The following PER3 variants were observed in gnomAD, a reference collection of about 807,000 sequenced individuals.
PER3 encodes the protein period circadian regulator 3, also known as period circadian protein homolog 3.
PER3 carries 107 observed loss-of-function variants against 127.2 expected under a neutral mutation model. The ratio of observed to expected loss-of-function variants is 0.84; its 90% CI spans 0.72 to 0.99. PER3 has a LOEUF of 0.99. PER3 is among the 50% of genes least tolerant of loss of function. The probability of loss-of-function intolerance (pLI) is 0.00; values close to 1 mark genes in which losing one functional copy is unlikely to be tolerated. For missense variants in PER3, 1,560 were observed against 1,525.8 expected (o/e 1.02, Z -0.37); for synonymous variants, 618 against 585.8 (o/e 1.05, Z -0.79).
intron 3 of PER3, among the ~76,000 whole-genome samples, chr1:7,786,247 T>A (rs80199754): frequency 0.13 from 19,467 of 152,156 alleles, 1,546 homozygotes; most frequent in Admixed American, 0.17. Context: ...AGAGCGAGAC[T>A]CTGTCTCTAA....
rs2859387 is a variant in PER3, at chr1:7,827,188, G to A, written c.2259G>A (p.Pro753=). ...RKGKHKRKKL[P]EPPDSSSSNT... ...GGAAGCACAAGCGGAAGAAGCTGCC[G>A]GAGCCGCCAGACAGCAGCAGCTCGA... The change falls in exon 18 of 22, where the codon CCG becomes CCA. Residue 753 remains proline (P), a synonymous_variant. Transcript: ENST00000377532. 0.39 allele frequency: 624,678 copies of A among 1,610,900 alleles called. 127,151 individuals carry two copies. Among genetic ancestry groups the A allele is most frequent in the East Asian group, 0.76 (34,128 of 44,766 alleles).
intron 16 of PER3, among the ~76,000 whole-genome samples, chr1:7,822,134 A>C (rs1252917009): frequency 6.6e-6 from 1 of 152,166 alleles, no homozygotes; most frequent in African/African-American, 2.4e-5. Flanking sequence ...GGCCAGGCAC[A>C]GTGGCTCATG....
chr1:7,788,429 A>G, intron 5 of PER3, 183 bp downstream of exon 5: 1 of 583,936 alleles, frequency 1.7e-6, no homozygotes, highest in Non-Finnish European at 3.0e-6. Flanking sequence ...CATACTCAAT[A>G]CGTTTGTTTC....
At position 7,789,195 on chromosome 1, in the gene PER3, T is replaced by TA. The variant is rs201130422; in HGVS notation, c.592+959dup. Among the ~76,000 whole-genome samples, 190 of 149,044 alleles carry TA rather than the reference T, an allele frequency of 1.3e-3. 1 individual carries two copies. The highest frequency in any genetic ancestry group is 2.2e-3 in the Non-Finnish European group (147 of 67,186). The stretch of plus-strand genomic sequence containing the variant: ...TTGATTCCAAGCCCTTCTCTCTAAT[T>TA]AAAAAAAAAATTCATTGTAGTAAAA... On this transcript the variant is annotated intron_variant, in intron 5 of 21. Transcript: ENST00000377532.
chr1:7,819,878 G>A (rs2097267904), intron 14 of PER3, among the ~76,000 whole-genome samples: 1 of 151,490 alleles, frequency 6.6e-6, no homozygotes, highest in Non-Finnish European at 1.5e-5. Context: ...CTTCCAGTGT[G>A]GCCCAGGGAA....
At chr1:7,801,260 TTA>T (rs1421275453) in intron 8 of PER3, 69 bp downstream of exon 8, 5 of 877,536 alleles carry the variant, frequency 5.7e-6, no homozygotes, top group East Asian at 2.5e-5. Context: ...GAAGATTACA[TTA>T]TGTTTGCATG....
At chr1:7,820,961 G>A (rs1427535796) in intron 16 of PER3, among the ~76,000 whole-genome samples, 2 of 152,174 alleles carry the variant, frequency 1.3e-5, no homozygotes, top group South Asian at 2.1e-4. Context: ...ATGGCACTGT[G>A]TTAGGTTACT....
At chr1:7,802,857 A>G (rs899417456) in intron 8 of PER3, among the ~76,000 whole-genome samples, 190 bp from the exon 9 acceptor site, 1 of 152,232 alleles carries the variant, frequency 6.6e-6, no homozygotes, top group Non-Finnish European at 1.5e-5. Context: ...CAGATGACCA[A>G]CATGTGTTAG....
chr1:7,842,777 C>G lies in PER3; in HGVS notation c.*22C>G, dbSNP rs770782758. On this transcript the variant is annotated 3_prime_UTR_variant, in exon 22 of 22. Transcript: ENST00000377532. ...TTGAGTGACTGTGAGGATGAACCTT[C>G]ATACCCTTTCCAAGACGTGTTACAC... 1.6e-5 allele frequency: 26 copies of G among 1,605,524 alleles called. No homozygotes were observed. The East Asian group carries it at 5.8e-4, about 36-fold the overall frequency.
intron 13 of PER3, among the ~76,000 whole-genome samples, chr1:7,818,842 GCT>G (rs1161691272): frequency 6.6e-6 from 1 of 152,200 alleles, no homozygotes; most frequent in Non-Finnish European, 1.5e-5. Flanking sequence ...TTGGACACAG[GCT>G]CCACCTGGGA....
rs758353799 is a variant in PER3 at position 7,798,510 on chromosome 1, C to T, written c.645-15C>T. Reference sequence around the variant, plus strand: ...GGTGCGTCAGGACCAGCACTAATATCTTTAATCTCCTCAGTGGAGGTGAAG... The same window carrying T: ...GGTGCGTCAGGACCAGCACTAATATTTTTAATCTCCTCAGTGGAGGTGAAG... On this transcript the variant is annotated splice_polypyrimidine_tract_variant and intron_variant, in intron 6 of 21. Coordinates refer to ENST00000377532, the MANE Select transcript of PER3 (RefSeq NM_001377275.1). 1 of 1,610,242 alleles carries T rather than the reference C, an allele frequency of 6.2e-7. No individual in the cohort carries two copies. Among genetic ancestry groups the T allele is most frequent in the African/African-American group, 1.3e-5 (1 of 74,934 alleles).
chr1:7,829,300 AATG>A (rs2097317529), intron 18 of PER3, among the ~76,000 whole-genome samples: 1 of 152,240 alleles, frequency 6.6e-6, no homozygotes, highest in Admixed American at 6.5e-5. Flanking sequence ...AACATAGAAC[AATG>A]ATAACAATAT....
At chr1:7,823,676 A>C (rs1425921232) in intron 16 of PER3, among the ~76,000 whole-genome samples, 1 of 152,160 alleles carries the variant, frequency 6.6e-6, no homozygotes, top group African/African-American at 2.4e-5. Context: ...TGAAGCAAAA[A>C]TAAGGAAATA....
rs769258204 is a variant in PER3, at chr1:7,837,012, G to A, written c.3412G>A (p.Val1138Ile). The change falls in exon 21 of 22, where the codon GTA becomes ATA. Residue 1138 changes from valine to isoleucine, a missense_variant. Coordinates refer to ENST00000377532, the MANE Select transcript of PER3 (RefSeq NM_001377275.1). The stretch of plus-strand genomic sequence containing the variant: ...GTTTGTTTTCAGGGTTAAAGAAGTT[G>A]TACTAAAAGAAGACCTGGAAAAGCT... ...YQVPERVKEV[V>I]LKEDLEKLES... 5 of 1,613,236 alleles carry A rather than the reference G, an allele frequency of 3.1e-6. No individual in the cohort carries two copies. The highest frequency in any genetic ancestry group is 4.2e-6 in the Non-Finnish European group (5 of 1,179,592).
chr1:7,788,133 A>T lies in PER3; in HGVS notation c.479A>T (p.Asp160Val). The T allele has an allele frequency of 6.2e-7, 1 of 1,613,980 alleles. No homozygotes were observed. Among genetic ancestry groups the T allele is most frequent in the South Asian group, 1.1e-5 (1 of 91,080 alleles). Residue 160 changes from aspartate to valine, a missense_variant, in exon 5 of 22, where the codon GAT becomes GTT. Asp to Val is a radical substitution (Grantham distance 152, BLOSUM62 -3). Around this residue, in one of 3 missense-constraint regions of PER3, gnomAD observed 1,332 missense variants for 1,223.6 expected, o/e 1.09. Coordinates refer to ENST00000377532, the MANE Select transcript of PER3 (RefSeq NM_001377275.1). ...QAALILNRKK[D>V]VLASSHFVDL... ...GCTTTGATCCTGAATCGTAAGAAAG[A>T]TGTCCTGGCGTCTTCTCACTTTGTT...
intron 13 of PER3, among the ~76,000 whole-genome samples, chr1:7,813,846 AC>A (rs1304406219): frequency 8.5e-5 from 13 of 152,302 alleles, no homozygotes; most frequent in African/African-American, 2.9e-4. Context: ...AAGAGACAAA[AC>A]CATCATCAGA....
At chr1:7,796,714 A>G (rs557843611) in intron 6 of PER3, among the ~76,000 whole-genome samples, 1 of 152,280 alleles carries the variant, frequency 6.6e-6, no homozygotes, top group Non-Finnish European at 1.5e-5. Flanking sequence ...AGAGGCTGTT[A>G]CAGAGGTACA....
rs866466472 is a variant in PER3, at chr1:7,843,907, C to T, written c.*1152C>T. 7.8e-7 allele frequency: 1 copy of T among 1,274,486 alleles called. No individual in the cohort carries two copies. The highest frequency in any genetic ancestry group is 5.8e-5 in the East Asian group (1 of 17,186). 78.9% of individuals were successfully genotyped at this position (1,274,486 alleles called of 1,614,324 possible). A position where few individuals can be genotyped will look rare whatever the true frequency, so the allele number is the denominator to read the frequency against. On this transcript the variant is annotated 3_prime_UTR_variant, in exon 22 of 22. Transcript: ENST00000377532. ...TCTCTGGTGCTTTTTAGAGAAGTCC[C>T]TGATTCCTTCTTAAACTTGGAATGA... is the stretch of plus-strand genomic sequence containing the variant.
In PER3 at chr1:7,787,723, G is replaced by T. The variant is rs151232367; in HGVS notation, c.391-322G>T. 284 of 372,070 alleles carry T rather than the reference G, an allele frequency of 7.6e-4. 1 individual carries two copies. In the Middle Eastern group the frequency reaches 8.1e-3, roughly 11 times the overall value. The allele number at this position is 372,070 out of a possible 1,614,324, so 23.0% of individuals were successfully genotyped here. A position where few individuals can be genotyped will look rare whatever the true frequency, so the allele number is the denominator to read the frequency against. ...TGTCTTAAAGCATAGAATCTGCGTT[G>T]ATGACGAGAACACCGTCCACCCAGG... On this transcript the variant is annotated intron_variant, in intron 4 of 21. Coordinates refer to ENST00000377532, the MANE Select transcript of PER3 (RefSeq NM_001377275.1).
Sources: allele counts gnomAD v4.1 joint callset (sites outside exome capture counted in the v4.1 genomes callset), GRCh38; gene constraint gnomAD v4.1.1; regional missense constraint gnomAD v4.1.1; transcripts MANE v1.5; gene names NCBI Gene and HGNC (gene_info 2026-07-23, HGNC 2026-07-21).